Variants in SLC49A4 observed in about 807,000 individuals in gnomAD.
SLC49A4 encodes the protein solute carrier family 49 member 4.
In SLC49A4, 36 loss-of-function variants were observed where a neutral mutation model predicts 50.6. The ratio of observed to expected loss-of-function variants is 0.71; its 90% CI spans 0.55 to 0.94. The LOEUF (loss-of-function observed/expected upper bound fraction) is 0.94. Among genes scored for constraint, SLC49A4 ranks in the 40% least tolerant of loss-of-function variants. The pLI is 0.00. For synonymous variants in SLC49A4, 248 were observed against 241.2 expected, an observed-to-expected ratio of 1.03 and a Z score of -0.26; for missense variants, 503 against 605.7, an observed-to-expected ratio of 0.83 and a Z score of 1.78.
chr3:122,828,226 A>G (rs769048789), intron 3 of SLC49A4, among the ~76,000 whole-genome samples: 5 of 152,252 alleles, frequency 3.3e-5, no homozygotes, highest in Non-Finnish European at 7.3e-5. Context: ...AACAGAACTT[A>G]CAGTGTCCTG....
intron 4 of SLC49A4, among the ~76,000 whole-genome samples, chr3:122,835,558 T>G (rs1366248560): frequency 1.3e-5 from 2 of 151,904 alleles, no homozygotes; most frequent in Admixed American, 6.6e-5. Flanking sequence ...TAGCATCTCT[T>G]TATGATAAAA....
intron 2 of SLC49A4, among the ~76,000 whole-genome samples, chr3:122,811,389 A>G (rs1293318545): frequency 6.6e-6 from 1 of 152,190 alleles, no homozygotes; most frequent in African/African-American, 2.4e-5. Flanking sequence ...TAGCAGACAG[A>G]TGTCTATTTA....
chr3:122,856,611 C>A (rs373374484), intron 6 of SLC49A4, among the ~76,000 whole-genome samples: 14 of 151,988 alleles, frequency 9.2e-5, no homozygotes, highest in African/African-American at 3.4e-4. Context: ...CTGAGGCAGG[C>A]GGATTACCTG....
intron 2 of SLC49A4, among the ~76,000 whole-genome samples, chr3:122,820,092 A>G (rs1000400822): frequency 3.3e-5 from 5 of 152,230 alleles, no homozygotes; most frequent in Non-Finnish European, 7.3e-5. Flanking sequence ...CTAGAGGTTT[A>G]TAAAGCAGGT....
chr3:122,799,279 G>C (rs992079872), intron 1 of SLC49A4, among the ~76,000 whole-genome samples: 1 of 152,226 alleles, frequency 6.6e-6, no homozygotes, highest in Non-Finnish European at 1.5e-5. Context: ...GAATGTGATA[G>C]AGTGGTATCA....
At chr3:122,814,003 G>A (rs1936332431) in intron 2 of SLC49A4, among the ~76,000 whole-genome samples, 1 of 152,172 alleles carries the variant, frequency 6.6e-6, no homozygotes, top group Admixed American at 6.5e-5. Flanking sequence ...GAAAGTGGTG[G>A]CTCACACCTG....
intron 1 of SLC49A4, among the ~76,000 whole-genome samples, chr3:122,797,335 G>T (rs1936057665): frequency 6.6e-6 from 1 of 152,200 alleles, no homozygotes; most frequent in South Asian, 2.1e-4. Context: ...TAAAAATCAT[G>T]ATGTGTAAAA....
intron 7 of SLC49A4, among the ~76,000 whole-genome samples, chr3:122,868,318 A>G (rs191286910): frequency 1.3e-5 from 2 of 152,254 alleles, no homozygotes; most frequent in East Asian, 3.9e-4. Flanking sequence ...ATGAAATTTT[A>G]TTAGCTTTTT....
At chr3:122,860,441 A>C (rs1937047191) in intron 7 of SLC49A4, among the ~76,000 whole-genome samples, 1 of 152,224 alleles carries the variant, frequency 6.6e-6, no homozygotes, top group Non-Finnish European at 1.5e-5. Flanking sequence ...TAACACATAG[A>C]GCATGGAAAT....
intron 2 of SLC49A4, among the ~76,000 whole-genome samples, chr3:122,822,992 A>C (rs1483684180): frequency 6.6e-6 from 1 of 151,950 alleles, no homozygotes; most frequent in South Asian, 2.1e-4. Flanking sequence ...TGCCAGTACC[A>C]CTTTAAACCA....
intron 8 of SLC49A4, among the ~76,000 whole-genome samples, chr3:122,873,989 G>T (rs779278552): frequency 2.0e-5 from 3 of 152,154 alleles, no homozygotes; most frequent in Non-Finnish European, 2.9e-5. Flanking sequence ...GGTTGGTGCC[G>T]CCCAGCAGAG....
intron 6 of SLC49A4, among the ~76,000 whole-genome samples, chr3:122,859,848 T>C (rs1937035575): frequency 6.6e-6 from 1 of 152,064 alleles, no homozygotes; most frequent in Non-Finnish European, 1.5e-5. Flanking sequence ...ATATATCCTA[T>C]AAATTATAGA....
chr3:122,874,262 G>C (rs1026791848), intron 8 of SLC49A4, among the ~76,000 whole-genome samples: 1 of 152,182 alleles, frequency 6.6e-6, no homozygotes, highest in African/African-American at 2.4e-5. Context: ...ACTCTCCTGG[G>C]TCCTGCTGCG....
At chr3:122,848,058 C>G (rs182651390) in intron 5 of SLC49A4, among the ~76,000 whole-genome samples, 4 of 152,192 alleles carry the variant, frequency 2.6e-5, no homozygotes, top group African/African-American at 9.6e-5. Context: ...CCATGTTGCA[C>G]GGTGTAGATA....
intron 4 of SLC49A4, among the ~76,000 whole-genome samples, chr3:122,842,267 A>G (rs1014068200): frequency 6.6e-6 from 1 of 152,004 alleles, no homozygotes; most frequent in Non-Finnish European, 1.5e-5. Flanking sequence ...CGGGCGGATC[A>G]CGAGGTCAGG....
At chr3:122,825,629 G>T (rs1391808551) in intron 2 of SLC49A4, among the ~76,000 whole-genome samples, 2 of 148,776 alleles carry the variant, frequency 1.3e-5, no homozygotes, top group African/African-American at 4.9e-5. Context: ...GCTTAAGATG[G>T]CAGTTTAAAA....
At position 122,872,465 on chromosome 3, in the gene SLC49A4, G is replaced by A. The variant is rs375393527; in HGVS notation, c.1189G>A (p.Val397Met). ...ILLGVFLNSS[V>M]PIFFELFVET... ...CCTGGGAGTGTTCTTGAATAGCAGC[G>A]TGCCTATATTTTTTGAGCTTTTTGT... Residue 397 changes from valine to methionine, a missense_variant, in exon 8 of 9, where the codon GTG becomes ATG. By Grantham distance (21) the Val-to-Met change is conservative. Transcript: ENST00000261038. The A allele has an allele frequency of 9.1e-5, 147 of 1,613,922 alleles. 1 individual carries two copies. In the East Asian group the frequency reaches 1.1e-3, roughly 12 times the overall value.
chr3:122,803,254 C>G (rs1175736493), intron 1 of SLC49A4, among the ~76,000 whole-genome samples: 1 of 151,978 alleles, frequency 6.6e-6, no homozygotes, highest in African/African-American at 2.4e-5. Context: ...CTGGAAGTGG[C>G]AGGGAAAGCA....
chr3:122,849,705 C>T (rs547812310), intron 5 of SLC49A4, among the ~76,000 whole-genome samples: 1 of 151,508 alleles, frequency 6.6e-6, no homozygotes, highest in South Asian at 2.1e-4. Flanking sequence ...TGCTTGGGTT[C>T]CTTATAGATA....
Sources: gnomAD v4.1 joint callset for allele counts (sites outside exome capture counted in the v4.1 genomes callset) on GRCh38, gnomAD v4.1.1 for gene constraint, MANE v1.5 for transcripts, NCBI Gene and HGNC (gene_info 2026-07-23, HGNC 2026-07-21) for gene names.